Variants in STPG2 observed in about 807,000 individuals in gnomAD.
STPG2 encodes sperm tail PG-rich repeat containing 2.
Under a neutral mutation model 54.2 loss-of-function variants are expected in STPG2, and 56 were observed. That is an observed-to-expected ratio of 1.03 (90% CI 0.83 to 1.29). The LOEUF (loss-of-function observed/expected upper bound fraction) is 1.29. Among genes scored for constraint, STPG2 ranks in the 50% most tolerant of loss-of-function variants. The pLI, the probability that STPG2 is intolerant of heterozygous loss-of-function variation, is 0.00. For missense variants in STPG2, 596 were observed against 544.9 expected, an observed-to-expected ratio of 1.09 and a Z score of -0.93; for synonymous variants, 200 against 181.8, an observed-to-expected ratio of 1.10 and a Z score of -0.81.
intron 5 of STPG2, among the ~76,000 whole-genome samples, chr4:98,078,565 T>C (rs1738245304): frequency 6.7e-6 from 1 of 149,022 alleles, no homozygotes; most frequent in South Asian, 2.1e-4. Context: ...AGCCTTGCAA[T>C]AGATTTAAAA....
At chr4:98,110,453 G>C (rs1739315129) in intron 3 of STPG2, among the ~76,000 whole-genome samples, 1 of 152,212 alleles carries the variant, frequency 6.6e-6, no homozygotes, top group East Asian at 1.9e-4. Flanking sequence ...GTGAGCATGT[G>C]TACAACTCCA....
intron 10 of STPG2, among the ~76,000 whole-genome samples, chr4:97,700,081 C>A (rs1461436569): frequency 6.6e-6 from 1 of 152,202 alleles, no homozygotes; most frequent in African/African-American, 2.4e-5. Flanking sequence ...AGGCCAAGAG[C>A]TGTCCCTCAA....
At chr4:97,658,655 G>A (rs1479886408) in intron 10 of STPG2, among the ~76,000 whole-genome samples, 3 of 152,176 alleles carry the variant, frequency 2.0e-5, no homozygotes, top group Non-Finnish European at 4.4e-5. Context: ...GACTGGGTAC[G>A]AGGCCAGACT....
intron 7 of STPG2, among the ~76,000 whole-genome samples, chr4:97,955,377 G>T (rs928095206): frequency 2.0e-5 from 3 of 151,926 alleles, no homozygotes; most frequent in Non-Finnish European, 4.4e-5. Flanking sequence ...ACCATGCCTG[G>T]CTAATTTTTT....
At chr4:97,812,990 T>C (rs1316006691) in intron 9 of STPG2, among the ~76,000 whole-genome samples, 2 of 152,150 alleles carry the variant, frequency 1.3e-5, no homozygotes, top group African/African-American at 4.8e-5. Flanking sequence ...GTCAAAAATC[T>C]TGGAGTCATC....
At chr4:98,055,992 C>A (rs532532275) in intron 5 of STPG2, among the ~76,000 whole-genome samples, 13 of 152,182 alleles carry the variant, frequency 8.5e-5, no homozygotes, top group Non-Finnish European at 7.3e-5. Context: ...CCTCCCCATA[C>A]GGCAGCTTTC....
intron 4 of STPG2, among the ~76,000 whole-genome samples, chr4:97,500,505 C>T (rs1455823712): frequency 1.3e-5 from 2 of 151,920 alleles, no homozygotes; most frequent in East Asian, 3.9e-4. Context: ...GTCTTCTCAA[C>T]ATATGGATAG....
At chr4:97,734,886 C>T (rs1313676082) in intron 9 of STPG2, among the ~76,000 whole-genome samples, 2 of 151,976 alleles carry the variant, frequency 1.3e-5, no homozygotes, top group Admixed American at 6.6e-5. Context: ...TCCTGGCTAA[C>T]ATGGTGAAAC....
chr4:98,116,424 CAA>C (rs1392840728), intron 3 of STPG2, among the ~76,000 whole-genome samples: 1 of 151,798 alleles, frequency 6.6e-6, no homozygotes, highest in Non-Finnish European at 1.5e-5. Flanking sequence ...AAACTGAGCA[CAA>C]AGATTAAGTA....
intron 8 of STPG2, among the ~76,000 whole-genome samples, chr4:97,900,845 C>T (rs761970476): frequency 5.3e-5 from 8 of 151,742 alleles, no homozygotes; most frequent in East Asian, 1.9e-4. Context: ...GCCTGGGTAA[C>T]GAAATAATCT....
chr4:97,871,411 T>A (rs926074730), intron 8 of STPG2, among the ~76,000 whole-genome samples: 1 of 150,724 alleles, frequency 6.6e-6, no homozygotes, highest in Non-Finnish European at 1.5e-5. Context: ...TAATTTTTTT[T>A]TAAAAAGGGG....
intron 9 of STPG2, among the ~76,000 whole-genome samples, chr4:97,794,257 T>G (rs1472916371): frequency 6.6e-6 from 1 of 152,116 alleles, no homozygotes; most frequent in Non-Finnish European, 1.5e-5. Context: ...TTTATTACAT[T>G]TCCTCTAAAT....
intron 10 of STPG2, among the ~76,000 whole-genome samples, chr4:97,606,403 G>A (rs961273922): frequency 6.6e-6 from 1 of 151,728 alleles, no homozygotes. Context: ...CCTATAAGTG[G>A]TACTCTCTAT....
At chr4:97,750,985 G>A (rs1725563894) in intron 9 of STPG2, among the ~76,000 whole-genome samples, 1 of 151,774 alleles carries the variant, frequency 6.6e-6, no homozygotes, top group Admixed American at 6.6e-5. Context: ...TTAGAAAACT[G>A]AATTCTCACA....
chr4:97,889,482 C>T (rs1730689532), intron 8 of STPG2, among the ~76,000 whole-genome samples: 2 of 152,098 alleles, frequency 1.3e-5, no homozygotes, highest in Admixed American at 1.3e-4. Flanking sequence ...GAAAACTATT[C>T]AGCCATAAAA....
intron 9 of STPG2, among the ~76,000 whole-genome samples, chr4:97,744,000 G>A (rs1725350073): frequency 6.6e-6 from 1 of 151,288 alleles, no homozygotes; most frequent in East Asian, 1.9e-4. Context: ...AAAAATAATA[G>A]GACTGAAAAG....
intron 8 of STPG2, among the ~76,000 whole-genome samples, chr4:97,928,837 T>C (rs999642870): frequency 1.3e-5 from 2 of 152,200 alleles, no homozygotes; most frequent in African/African-American, 2.4e-5. Context: ...TATAATTAAG[T>C]CTTCTTTTAT....
intron 10 of STPG2, among the ~76,000 whole-genome samples, chr4:97,665,514 G>A (rs1236297863): frequency 1.3e-5 from 2 of 152,092 alleles, no homozygotes; most frequent in Non-Finnish European, 2.9e-5. Context: ...TGAGTCCAAG[G>A]TTTTTATGGG....
chr4:97,803,367 A>T (rs1213476468), intron 9 of STPG2, among the ~76,000 whole-genome samples: 1 of 152,218 alleles, frequency 6.6e-6, no homozygotes, highest in Non-Finnish European at 1.5e-5. Context: ...TGTATCTGTA[A>T]GGAAAAATAC....
Sources: allele counts gnomAD v4.1 joint callset (sites outside exome capture counted in the v4.1 genomes callset), GRCh38; gene constraint gnomAD v4.1.1; transcripts MANE v1.5; gene names NCBI Gene and HGNC (gene_info 2026-07-23, HGNC 2026-07-21).